Variants in ERVH48-1 observed in about 807,000 individuals in gnomAD.
The protein encoded by ERVH48-1 is suppressyn.
A neutral mutation model predicts 2.4 loss-of-function variants in ERVH48-1; 4 were observed. The ratio of observed to expected loss-of-function variants is 1.68; its 90% CI spans 0.83 to 3.84. ERVH48-1 has a LOEUF of 3.84. Ranked by LOEUF, ERVH48-1 falls within the 30% of genes most tolerant of loss-of-function variation. The pLI is 0.01. For missense variants in ERVH48-1, 97 were observed against 43.4 expected (o/e 2.23, Z -3.47); for synonymous variants, 32 against 15.5 (o/e 2.06, Z -2.49).
chr21:42,922,447 T>C lies in ERVH48-1; in HGVS notation c.-286+2899A>G, dbSNP rs964178919. Among the ~76,000 whole-genome samples the C allele has an allele frequency of 2.7e-4, 40 of 150,212 alleles. 1 individual carries two copies. Among genetic ancestry groups the C allele is most frequent in the Non-Finnish European group, 1.0e-4 (7 of 67,494 alleles). Reference sequence around the variant, plus strand: ...TTGGGCATGAGGGCAGGACTAAGAGTGAGTGAAGGAAGGCCGGGCGCGGTG... The same window carrying C: ...TTGGGCATGAGGGCAGGACTAAGAGCGAGTGAAGGAAGGCCGGGCGCGGTG... On this transcript the variant is annotated intron_variant, in intron 1 of 1. Coordinates refer to ENST00000447535, the MANE Select transcript of ERVH48-1 (RefSeq NM_001308491.2).
Position 42,917,070 on chromosome 21 carries a change from G to A in ERVH48-1, c.*1454C>T, listed in dbSNP as rs2058790827. 6.6e-6 allele frequency: 1 copy of A among 152,146 alleles called. No individual in the cohort carries two copies. The highest frequency in any genetic ancestry group is 1.5e-5 in the Non-Finnish European group (1 of 68,042). The allele number at this position is 152,146 out of a possible 1,614,324, so 9.4% of individuals were successfully genotyped here. A position where few individuals can be genotyped will look rare whatever the true frequency, so the allele number is the denominator to read the frequency against. On this transcript the variant is annotated 3_prime_UTR_variant, in exon 2 of 2. Coordinates refer to ENST00000447535, the MANE Select transcript of ERVH48-1 (RefSeq NM_001308491.2). Reference sequence around the variant, plus strand: ...TTGGGACTGGGCCTGAGGAGGAGGAGTTATTCATCCCGCAAGCTTTCAGGC... The same window carrying A: ...TTGGGACTGGGCCTGAGGAGGAGGAATTATTCATCCCGCAAGCTTTCAGGC...
rs569604826 is a variant in ERVH48-1 at position 42,919,207 on chromosome 21, G to A, written c.-201C>T. 8.4e-6 allele frequency: 4 copies of A among 477,662 alleles called. No individual in the cohort carries two copies. The highest frequency in any genetic ancestry group is 2.1e-5 in the South Asian group (1 of 47,126). The allele number at this position is 477,662 out of a possible 1,614,324, so 29.6% of individuals were successfully genotyped here. On this transcript the variant is annotated 5_prime_UTR_variant, in exon 2 of 2. Coordinates refer to ENST00000447535, the MANE Select transcript of ERVH48-1 (RefSeq NM_001308491.2). ...TCCTCGGACTCTCACTGCAGTTGGT[G>A]TGCTGAGTATCACAGTGTAGGGGCC...
chr21:42,919,746 CAG>C (rs751448721), intron 1 of ERVH48-1, among the ~76,000 whole-genome samples: 3 of 152,082 alleles, frequency 2.0e-5, no homozygotes, highest in African/African-American at 7.2e-5. Flanking sequence ...GAGTCTGAAA[CAG>C]GGAATTATAT....
At position 42,925,462 on chromosome 21, in the gene ERVH48-1, TG is replaced by T. The variant is rs1321186611; in HGVS notation, c.-403del. 2.1e-5 allele frequency: 9 copies of T among 428,834 alleles called. No individual in the cohort carries two copies. The Admixed American group carries it at 2.1e-4, about 10-fold the overall frequency. 26.6% of individuals were successfully genotyped at this position (428,834 alleles called of 1,614,324 possible). A position where few individuals can be genotyped will look rare whatever the true frequency, so the allele number is the denominator to read the frequency against. On this transcript the variant is annotated 5_prime_UTR_variant, in exon 1 of 2. Transcript: ENST00000447535. The stretch of plus-strand genomic sequence containing the variant: ...CCAGATGGAGGGGTGGTAGGTCCAC[TG>T]GGGACGTGGACGGAAGCCCCTCGCA...
intron 1 of ERVH48-1, among the ~76,000 whole-genome samples, chr21:42,921,162 T>C (rs2058804390): frequency 1.3e-5 from 2 of 151,884 alleles, no homozygotes; most frequent in African/African-American, 4.8e-5. Context: ...GAACACGTAG[T>C]GCGACTCCAT....
At chr21:42,920,322 C>T (rs530617504) in intron 1 of ERVH48-1, among the ~76,000 whole-genome samples, 1 of 152,086 alleles carries the variant, frequency 6.6e-6, no homozygotes, top group Non-Finnish European at 1.5e-5. Context: ...GGTTGTAGGG[C>T]CATTTGTTTG....
chr21:42,918,905 G>A lies in ERVH48-1; in HGVS notation c.102C>T (p.Val34=), dbSNP rs1224034916. 1 of 503,276 alleles carries A rather than the reference G, an allele frequency of 2.0e-6. No individual in the cohort carries two copies. The highest frequency in any genetic ancestry group is 6.8e-5 in the East Asian group (1 of 14,600). The allele number at this position is 503,276 out of a possible 1,614,324, so 31.2% of individuals were successfully genotyped here. Residue 34 remains valine, a synonymous_variant, in exon 2 of 2, where the codon GTC becomes GTT. Transcript: ENST00000447535. ...TCGGAGGGGCTGCTGTGGACAGCAG[G>A]ACAGCTACTGACAGTATTAGGATCG... is the stretch of plus-strand genomic sequence containing the variant. ...LTTILILSVA[V]LLSTAAPPSC...
rs944355177 is a variant in ERVH48-1 at position 42,918,769 on chromosome 21, C to G, written c.238G>C (p.Val80Leu). The G allele has an allele frequency of 4.4e-6, 2 of 456,610 alleles. No individual in the cohort carries two copies. Among genetic ancestry groups the G allele is most frequent in the African/African-American group, 4.0e-5 (2 of 50,086 alleles). The allele number at this position is 456,610 out of a possible 1,614,324, so 28.3% of individuals were successfully genotyped here. A position where few individuals can be genotyped will look rare whatever the true frequency, so the allele number is the denominator to read the frequency against. The change falls in exon 2 of 2, where the codon GTT (valine) becomes CTT (leucine). Residue 80 changes from valine to leucine, a missense_variant. Coordinates refer to ENST00000447535, the MANE Select transcript of ERVH48-1 (RefSeq NM_001308491.2). Reference sequence around the variant, plus strand: ...TTATAATAACTCTTTCCTGATTCAACACATTCCTCGATTAAGTTTCCATAA... The same window carrying G: ...TTATAATAACTCTTTCCTGATTCAAGACATTCCTCGATTAAGTTTCCATAA... Reference protein sequence around the residue: ...SCYGNLIEECVESGKSYYKVK... With the variant: ...SCYGNLIEECLESGKSYYKVK...
rs115510053 is a variant in ERVH48-1 at position 42,924,432 on chromosome 21, C to G, written c.-286+914G>C. ...AAAAGAGTTAGGGTCGGGAGGAGAA[C>G]GGCGATCAGGGCGGCGAGAATGGAG... On this transcript the variant is annotated intron_variant, in intron 1 of 1. Coordinates refer to ENST00000447535, the MANE Select transcript of ERVH48-1 (RefSeq NM_001308491.2). 2.8e-4 allele frequency among the ~76,000 whole-genome samples: 43 copies of G among 152,068 alleles called. No homozygotes were observed. The East Asian group carries it at 7.5e-3, about 27-fold the overall frequency.
At chr21:42,922,763 A>T (rs1426990367) in intron 1 of ERVH48-1, among the ~76,000 whole-genome samples, 1 of 147,788 alleles carries the variant, frequency 6.8e-6, no homozygotes, top group Non-Finnish European at 1.5e-5. Flanking sequence ...AAAAAAAAAA[A>T]AAGTGAGTGA....
At chr21:42,919,964 T>C (rs1465173565) in intron 1 of ERVH48-1, among the ~76,000 whole-genome samples, 3 of 152,098 alleles carry the variant, frequency 2.0e-5, no homozygotes, top group Admixed American at 6.6e-5. Flanking sequence ...GAGGGAACCC[T>C]GGGGTGACAT....
At chr21:42,922,613 G>C (rs1282822353) in intron 1 of ERVH48-1, among the ~76,000 whole-genome samples, 1 of 151,542 alleles carries the variant, frequency 6.6e-6, no homozygotes, top group East Asian at 1.9e-4. Flanking sequence ...AGTGGCGGGC[G>C]CCTGTAGTCC....
chr21:42,924,862 G>A (rs1430249945), intron 1 of ERVH48-1, among the ~76,000 whole-genome samples: 1 of 152,052 alleles, frequency 6.6e-6, no homozygotes, highest in Admixed American at 6.5e-5. Context: ...TGTCACCGCT[G>A]CCTTTTTCAT....
In ERVH48-1 at chr21:42,923,621, T is replaced by G. The variant is rs2058813178; in HGVS notation, c.-286+1725A>C. Among the ~76,000 whole-genome samples, 7 of 152,292 alleles carry G rather than the reference T, an allele frequency of 4.6e-5. No individual in the cohort carries two copies. In the South Asian group the frequency reaches 1.5e-3, roughly 32 times the overall value. On this transcript the variant is annotated intron_variant, in intron 1 of 1. Transcript: ENST00000447535. ...TTTACCGCTTTATGGGCACACTTTT[T>G]GAGTCCTGCAAGGAGACACACAATC... is the stretch of plus-strand genomic sequence containing the variant.
intron 1 of ERVH48-1, among the ~76,000 whole-genome samples, chr21:42,923,703 C>A (rs1379425114): frequency 6.6e-6 from 1 of 152,164 alleles, no homozygotes; most frequent in Non-Finnish European, 1.5e-5. Flanking sequence ...AGTGGGGGTC[C>A]TGGCTGGGGA....
chr21:42,918,856 A>G lies in ERVH48-1; in HGVS notation c.151T>C (p.Leu51=), dbSNP rs2058796936. The G allele has an allele frequency of 2.2e-6, 1 of 457,402 alleles. No individual in the cohort carries two copies. Among genetic ancestry groups the G allele is most frequent in the Admixed American group, 2.3e-5 (1 of 42,558 alleles). The allele number at this position is 457,402 out of a possible 1,614,324, so 28.3% of individuals were successfully genotyped here. ...TGTTGCATCTCCCCTCTGTAGTGCA[A>G]AGACTGATAACACTCACGGCAGCTC... ...PPSCRECYQS[L]HYRGEMQQYF... The change falls in exon 2 of 2, where the codon TTG becomes CTG. Residue 51 remains leucine, a synonymous_variant. Transcript: ENST00000447535.
intron 1 of ERVH48-1, 30 bp from the exon 2 acceptor site, chr21:42,919,321 AAGG>A (rs1200006003): frequency 4.7e-6 from 1 of 211,858 alleles, no homozygotes; most frequent in Non-Finnish European, 9.7e-6. Context: ...TTGAGAGGAT[AAGG>A]AGGTGTCGGC....
chr21:42,920,696 A>G (rs2058803113), intron 1 of ERVH48-1, among the ~76,000 whole-genome samples: 1 of 152,062 alleles, frequency 6.6e-6, no homozygotes, highest in African/African-American at 2.4e-5. Context: ...GGCATCCTTG[A>G]TGTAGGAAGG....
intron 1 of ERVH48-1, among the ~76,000 whole-genome samples, chr21:42,922,581 A>C (rs890977919): frequency 3.3e-5 from 5 of 151,940 alleles, no homozygotes; most frequent in African/African-American, 1.2e-4. Context: ...TCTACTAAAA[A>C]TACAAAAATT....
Sources: gnomAD v4.1 joint callset for allele counts (sites outside exome capture counted in the v4.1 genomes callset) on GRCh38, gnomAD v4.1.1 for gene constraint, MANE v1.5 for transcripts, NCBI Gene and HGNC (gene_info 2026-07-23, HGNC 2026-07-21) for gene names.